Variants in KNG1 observed in about 807,000 individuals in gnomAD.
KNG1 encodes the protein kininogen-1.
A neutral mutation model predicts 47.8 loss-of-function variants in KNG1; 23 were observed. The observed-to-expected ratio is 0.48, with a 90% CI of 0.35 to 0.68. The LOEUF is 0.68. Ranked by LOEUF, KNG1 falls within the 30% of genes least tolerant of loss-of-function variation. The pLI, the probability that KNG1 is intolerant of heterozygous loss-of-function variation, is 0.01. For missense variants in KNG1, 762 were observed against 790.2 expected, an observed-to-expected ratio of 0.96 and a Z score of 0.43; for synonymous variants, 277 against 277.0, an observed-to-expected ratio of 1.00 and a Z score of 0.00.
rs5030024 is a variant in KNG1, at chr3:186,727,307, T to C, written c.635T>C (p.Leu212Pro). Residue 212 changes from leucine to proline, a missense_variant, in exon 5 of 10, where the codon CTG becomes CCG. Leu to Pro is a moderately conservative substitution (Grantham distance 98, BLOSUM62 -3). Transcript: ENST00000644859. ...ACGAATTGTTCCAAAGAGAATTTTC[T>C]GTTCTTAACTCCAGACTGCAAGTCC... The part of the protein sequence containing the change: ...VQTNCSKENF[L>P]FLTPDCKSLW... 861 of 1,613,698 alleles carry C rather than the reference T, an allele frequency of 5.3e-4. 3 individuals carry two copies. In the African/African-American group the frequency reaches 9.7e-3, roughly 18 times the overall value.
chr3:186,734,304 A>G (rs1010042570), intron 7 of KNG1, among the ~76,000 whole-genome samples: 1 of 152,238 alleles, frequency 6.6e-6, no homozygotes, highest in African/African-American at 2.4e-5. Context: ...TGATTAGATC[A>G]TGTCTGGCAT....
chr3:186,727,208 T>C (rs745992278), intron 4 of KNG1, 29 bp from the exon 5 acceptor site: 1 of 1,480,954 alleles, frequency 6.8e-7, no homozygotes, highest in South Asian at 1.1e-5. Context: ...TAAACTGCCC[T>C]TTAAATATTC....
chr3:186,738,838 C>T, intron 7 of KNG1: 1 of 368,168 alleles, frequency 2.7e-6, no homozygotes, highest in East Asian at 6.7e-5. Context: ...AAGAGCGAAA[C>T]TCCATCTCAA....
chr3:186,735,176 T>C (rs1306481558), intron 7 of KNG1, among the ~76,000 whole-genome samples: 1 of 152,322 alleles, frequency 6.6e-6, no homozygotes, highest in East Asian at 1.9e-4. Flanking sequence ...TTATTCTTTT[T>C]TCGTTGTTGT....
At chr3:186,731,350 C>T (rs898863848) in intron 5 of KNG1, among the ~76,000 whole-genome samples, 195 bp from the exon 6 acceptor site, 1 of 152,078 alleles carries the variant, frequency 6.6e-6, no homozygotes, top group Non-Finnish European at 1.5e-5. Context: ...CATGTATATG[C>T]ATGTATTTGT....
intron 3 of KNG1, among the ~76,000 whole-genome samples, chr3:186,724,516 A>AT (rs1284297512): frequency 2.0e-5 from 3 of 152,022 alleles, no homozygotes; most frequent in African/African-American, 4.8e-5. Context: ...GATACTGGGC[A>AT]TTTTTTCACA....
chr3:186,738,758 A>G (rs1193198592), intron 7 of KNG1: 1 of 284,178 alleles, frequency 3.5e-6, no homozygotes, highest in East Asian at 1.0e-4. Flanking sequence ...AGGCAGGAGA[A>G]TTGCTTGAAT....
intron 3 of KNG1, 59 bp downstream of exon 3, chr3:186,722,580 G>A (rs1720236055): frequency 1.5e-6 from 2 of 1,328,446 alleles, no homozygotes; most frequent in African/African-American, 1.4e-5. Flanking sequence ...CTGTGAGCCA[G>A]GAACACAATC....
At chr3:186,733,236 CTCTG>C (rs1185192567) in intron 7 of KNG1, among the ~76,000 whole-genome samples, 1 of 138,988 alleles carries the variant, frequency 7.2e-6, no homozygotes, top group East Asian at 2.0e-4. Flanking sequence ...CAGAGCGAGA[CTCTG>C]TCTAAATAAA....
rs1385631700 is a variant in KNG1, at chr3:186,743,725, G to A, written c.*1394G>A. ...TACAGAGTCACCTAAGGTCCTGCGA[G>A]TACAAGGGTCGACCCCCAAAGGCAG... On this transcript the variant is annotated 3_prime_UTR_variant, in exon 10 of 10. Coordinates refer to ENST00000644859, the MANE Select transcript of KNG1 (RefSeq NM_001102416.3). 1 of 1,613,974 alleles carries A rather than the reference G, an allele frequency of 6.2e-7. No individual in the cohort carries two copies. The highest frequency in any genetic ancestry group is 1.7e-5 in the Admixed American group (1 of 60,028).
intron 7 of KNG1, 30 bp from the exon 8 acceptor site, chr3:186,739,069 G>C: frequency 6.8e-7 from 1 of 1,476,446 alleles, no homozygotes; most frequent in Non-Finnish European, 9.5e-7. Flanking sequence ...ATATTTTTAA[G>C]CGTTTACTTT....
At chr3:186,739,833 C>T (rs1720762749) in intron 9 of KNG1, among the ~76,000 whole-genome samples, 2 of 152,174 alleles carry the variant, frequency 1.3e-5, no homozygotes, top group Non-Finnish European at 2.9e-5. Flanking sequence ...AGGCAGATCA[C>T]CTGAGGTCAG....
chr3:186,737,342 C>G lies in KNG1; in HGVS notation c.931-1757C>G, dbSNP rs145752365. Among the ~76,000 whole-genome samples the G allele has an allele frequency of 1.1e-4, 16 of 152,178 alleles. No homozygotes were observed. In the East Asian group the frequency reaches 2.3e-3, roughly 22 times the overall value. On this transcript the variant is annotated intron_variant, in intron 7 of 9. Transcript: ENST00000644859. ...GTGTTGGGCTTTATATTCATACAGA[C>G]ATTGATTCTATATCATAGTTTTCCC...
At position 186,743,020 on chromosome 3, in the gene KNG1, T is replaced by G. The variant is rs1366751204; in HGVS notation, c.*689T>G. The G allele has an allele frequency of 1.1e-6, 1 of 886,566 alleles. No homozygotes were observed. Among genetic ancestry groups the G allele is most frequent in the Non-Finnish European group, 1.4e-6 (1 of 739,592 alleles). 54.9% of individuals were successfully genotyped at this position (886,566 alleles called of 1,614,324 possible). On this transcript the variant is annotated 3_prime_UTR_variant, in exon 10 of 10. Transcript: ENST00000644859. The stretch of plus-strand genomic sequence containing the variant: ...CTTTCTATTCCCAAAATGGGCTAGT[T>G]ATATCAAATAAATACTCCCACTGCC...
At chr3:186,740,643 T>C (rs755052492) in intron 9 of KNG1, among the ~76,000 whole-genome samples, 8 of 152,244 alleles carry the variant, frequency 5.3e-5, no homozygotes, top group Non-Finnish European at 8.8e-5. Context: ...TTTGGTCTTT[T>C]GTCATGTGTA....
chr3:186,719,739 A>AAAG (rs1454609626), intron 1 of KNG1, among the ~76,000 whole-genome samples: 1 of 152,084 alleles, frequency 6.6e-6, no homozygotes, highest in Non-Finnish European at 1.5e-5. Flanking sequence ...AAAAAAAAAA[A>AAAG]AAAGAAATGT....
intron 9 of KNG1, among the ~76,000 whole-genome samples, chr3:186,740,381 T>C (rs1720779458): frequency 6.6e-6 from 1 of 152,204 alleles, no homozygotes; most frequent in South Asian, 2.1e-4. Context: ...GTGCTGTTAT[T>C]ATTTCTATTT....
At chr3:186,727,175 C>A in intron 4 of KNG1, 62 bp from the exon 5 acceptor site, 1 of 1,110,628 alleles carries the variant, frequency 9.0e-7, no homozygotes, top group South Asian at 1.2e-5. Flanking sequence ...TCATAACATT[C>A]ATATCCCACA....
In KNG1 at chr3:186,744,174, C is replaced by T. The variant is rs1251983173; in HGVS notation, c.*1843C>T. On this transcript the variant is annotated 3_prime_UTR_variant, in exon 10 of 10. Transcript: ENST00000644859. ...AGTAATCTAAGGACTCTCTCCTTCT[C>T]TTCTTCCTCTTTCTCCAGATTTCCA... 4.3e-6 allele frequency: 1 copy of T among 231,386 alleles called. No homozygotes were observed. Among genetic ancestry groups the T allele is most frequent in the African/African-American group, 2.2e-5 (1 of 44,990 alleles). 14.3% of individuals were successfully genotyped at this position (231,386 alleles called of 1,614,324 possible). A position where few individuals can be genotyped will look rare whatever the true frequency, so the allele number is the denominator to read the frequency against.
Sources: allele counts gnomAD v4.1 joint callset (sites outside exome capture counted in the v4.1 genomes callset), GRCh38; gene constraint gnomAD v4.1.1; transcripts MANE v1.5; gene names NCBI Gene and HGNC (gene_info 2026-07-23, HGNC 2026-07-21).